The following DCC variants were observed in gnomAD, a reference collection of about 807,000 sequenced individuals.
DCC encodes netrin receptor DCC.
DCC carries 58 observed loss-of-function variants against 172.5 expected under a neutral mutation model. The observed-to-expected ratio is 0.34, with a 90% CI of 0.27 to 0.42. The LOEUF (loss-of-function observed/expected upper bound fraction) is 0.42. DCC is among the 10% of genes least tolerant of loss of function. The pLI, the probability that DCC is intolerant of heterozygous loss-of-function variation, is 1.00. For missense variants in DCC, 1,740 were observed against 1,791.0 expected (o/e 0.97, Z 0.51); for synonymous variants, 709 against 644.5 (o/e 1.10, Z -1.52).
chr18:53,248,672 GT>G (rs1233196652), intron 12 of DCC, among the ~76,000 whole-genome samples: 1 of 151,970 alleles, frequency 6.6e-6, no homozygotes, highest in Non-Finnish European at 1.5e-5. Context: ...TAAACACTTT[GT>G]TTTTTAATGC....
intron 12 of DCC, among the ~76,000 whole-genome samples, chr18:53,278,545 C>T (rs138690098): frequency 6.6e-6 from 1 of 152,078 alleles, no homozygotes; most frequent in Admixed American, 6.6e-5. Flanking sequence ...CTTGTAGGTC[C>T]TCTTTTCCCT....
rs979350025 is a variant in DCC at position 53,468,131 on chromosome 18, A to G, written c.3736+121A>G. 4.3e-6 allele frequency: 3 copies of G among 704,828 alleles called. No homozygotes were observed. The Admixed American group carries it at 5.9e-5, about 14-fold the overall frequency. The allele number at this position is 704,828 out of a possible 1,614,324, so 43.7% of individuals were successfully genotyped here. A position where few individuals can be genotyped will look rare whatever the true frequency, so the allele number is the denominator to read the frequency against. ...CCCTGAACTTTCTGGACAAATGGAA[A>G]TGAGGAATGACTAAAACCGTATCAT... is the stretch of plus-strand genomic sequence containing the variant. On this transcript the variant is annotated intron_variant, in intron 25 of 28. Transcript: ENST00000442544.
At chr18:52,429,941 G>A (rs1987566305) in intron 1 of DCC, among the ~76,000 whole-genome samples, 2 of 152,090 alleles carry the variant, frequency 1.3e-5, no homozygotes, top group Admixed American at 1.3e-4. Context: ...GCTGGTCATG[G>A]GAGGATCAAC....
intron 13 of DCC, among the ~76,000 whole-genome samples, chr18:53,320,735 C>T (rs1204369214): frequency 3.9e-5 from 6 of 152,098 alleles, no homozygotes; most frequent in Admixed American, 3.9e-4. Flanking sequence ...GTGGATTTTT[C>T]AAGTATTGTT....
intron 1 of DCC, among the ~76,000 whole-genome samples, chr18:52,663,678 T>C (rs2035406206): frequency 1.3e-5 from 2 of 152,190 alleles, no homozygotes; most frequent in South Asian, 4.1e-4. Context: ...TACATCTATA[T>C]TGACAGAAAG....
At chr18:52,676,124 G>A (rs1303219804) in intron 1 of DCC, among the ~76,000 whole-genome samples, 1 of 152,198 alleles carries the variant, frequency 6.6e-6, no homozygotes, top group East Asian at 1.9e-4. Flanking sequence ...AGTCTAGCTA[G>A]ATTCAACAAT....
At chr18:52,998,582 G>T (rs972131789) in intron 5 of DCC, among the ~76,000 whole-genome samples, 15 of 152,054 alleles carry the variant, frequency 9.9e-5, no homozygotes, top group Non-Finnish European at 1.6e-4. Context: ...CCTTCATGGG[G>T]TTGGAAATTG....
chr18:53,530,569 T>C lies in DCC; in HGVS notation c.4260T>C (p.Tyr1420=). ...GGCTCTCATTCTCTTTATAGGTGTA[T>C]GAACAGGATGATCTGAGTGAACAAA... ...HKPTEDSANV[Y]EQDDLSEQMA... is the part of the protein sequence containing the mutation. The change falls in exon 29 of 29, where the codon TAT becomes TAC. Residue 1420 remains tyrosine (Y), a synonymous_variant. Transcript: ENST00000442544. 1 of 1,543,262 alleles carries C rather than the reference T, an allele frequency of 6.5e-7. No individual in the cohort carries two copies. The highest frequency in any genetic ancestry group is 9.0e-7 in the Non-Finnish European group (1 of 1,115,470).
rs1409998463 is a variant in DCC, at chr18:53,339,649, G to A, written c.2165-64G>A. 9 of 1,208,790 alleles carry A rather than the reference G, an allele frequency of 7.4e-6. No individual in the cohort carries two copies. The African/African-American group carries it at 1.2e-4, about 16-fold the overall frequency. The allele number at this position is 1,208,790 out of a possible 1,614,324, so 74.9% of individuals were successfully genotyped here. A position where few individuals can be genotyped will look rare whatever the true frequency, so the allele number is the denominator to read the frequency against. ...AAATATGATTTCTCTTGCTTAAATG[G>A]TGTTCTGCCGTGCTACATTTTCTGT... On this transcript the variant is annotated intron_variant, in intron 14 of 28. Coordinates refer to ENST00000442544, the MANE Select transcript of DCC (RefSeq NM_005215.4).
chr18:53,269,610 G>A (rs753193062), intron 12 of DCC, among the ~76,000 whole-genome samples: 12 of 152,050 alleles, frequency 7.9e-5, no homozygotes, highest in Non-Finnish European at 1.2e-4. Context: ...TACCTGTTTT[G>A]CGCCAGGCAC....
intron 13 of DCC, among the ~76,000 whole-genome samples, chr18:53,315,211 G>A (rs145792166): frequency 6.6e-6 from 1 of 152,134 alleles, no homozygotes; most frequent in African/African-American, 2.4e-5. Context: ...AGAACATGTG[G>A]TGTTTGGTTT....
At chr18:53,142,796 C>A (rs1455708349) in intron 7 of DCC, among the ~76,000 whole-genome samples, 1 of 152,100 alleles carries the variant, frequency 6.6e-6, no homozygotes, top group Non-Finnish European at 1.5e-5. Context: ...TTAGGTTTTC[C>A]ATTAATATCA....
intron 5 of DCC, among the ~76,000 whole-genome samples, chr18:52,983,096 C>T (rs2041236521): frequency 6.6e-6 from 1 of 152,050 alleles, no homozygotes; most frequent in Admixed American, 6.6e-5. Context: ...TATGATGATT[C>T]TAATATGGGA....
chr18:52,822,079 C>T (rs191721603), intron 2 of DCC, among the ~76,000 whole-genome samples: 22 of 152,252 alleles, frequency 1.4e-4, no homozygotes, highest in Middle Eastern at 3.4e-3. Flanking sequence ...CCAATATGTC[C>T]ACTGAACTAC....
chr18:53,192,324 G>A (rs567969057), intron 9 of DCC, among the ~76,000 whole-genome samples: 83 of 152,266 alleles, frequency 5.5e-4, no homozygotes, highest in African/African-American at 1.1e-3. Context: ...CTGCTATTGG[G>A]AAAGATATTT....
intron 21 of DCC, among the ~76,000 whole-genome samples, chr18:53,426,704 T>G (rs1910991561): frequency 6.6e-6 from 1 of 152,084 alleles, no homozygotes; most frequent in Non-Finnish European, 1.5e-5. Flanking sequence ...CACTTAACAT[T>G]TTCCGTCTCA....
chr18:53,207,830 C>T lies in DCC; in HGVS notation c.1861+13C>T. On this transcript the variant is annotated intron_variant, in intron 11 of 28. Coordinates refer to ENST00000442544, the MANE Select transcript of DCC (RefSeq NM_005215.4). ...ACACTTTCTGACGGTAAGTTAAAAA[C>T]AGTGAAACTCCTTTTACATATTTGA... is the stretch of plus-strand genomic sequence containing the variant. 1.3e-6 allele frequency: 2 copies of T among 1,595,856 alleles called. No homozygotes were observed. Among genetic ancestry groups the T allele is most frequent in the Non-Finnish European group, 1.7e-6 (2 of 1,163,590 alleles).
intron 3 of DCC, among the ~76,000 whole-genome samples, chr18:52,915,958 G>T (rs765051938): frequency 6.6e-6 from 1 of 151,908 alleles, no homozygotes; most frequent in Non-Finnish European, 1.5e-5. Context: ...GCTTTCAGGG[G>T]ATCTGCGAGG....
chr18:52,902,656 AC>A (rs2039826485), intron 2 of DCC, among the ~76,000 whole-genome samples: 1 of 152,198 alleles, frequency 6.6e-6, no homozygotes, highest in African/African-American at 2.4e-5. Context: ...AAACTATAGT[AC>A]TAAGTTGATA....
Sources: allele counts gnomAD v4.1 joint callset (sites outside exome capture counted in the v4.1 genomes callset), GRCh38; gene constraint gnomAD v4.1.1; transcripts MANE v1.5; gene names NCBI Gene and HGNC (gene_info 2026-07-23, HGNC 2026-07-21).